Variants in SLCO1A2 observed in about 807,000 individuals in gnomAD.
The protein encoded by SLCO1A2 is OATP-1.
In SLCO1A2, 67 loss-of-function variants were observed where a neutral mutation model predicts 69.0. That is an observed-to-expected ratio of 0.97 (90% confidence interval 0.80 to 1.19). The LOEUF (loss-of-function observed/expected upper bound fraction) is 1.19. SLCO1A2 is among the 50% of genes most tolerant of loss of function. SLCO1A2 has a pLI of 0.00. For synonymous variants in SLCO1A2, 260 were observed against 265.9 expected, an observed-to-expected ratio of 0.98 and a Z score of 0.22; for missense variants, 787 against 793.7, an observed-to-expected ratio of 0.99 and a Z score of 0.10.
chr12:21,316,605 C>T (rs1298197526), intron 3 of SLCO1A2, among the ~76,000 whole-genome samples: 1 of 149,042 alleles, frequency 6.7e-6, no homozygotes, highest in Non-Finnish European at 1.5e-5. Context: ...ACCATTTTCT[C>T]CTAGTTCCCC....
At chr12:21,305,439 G>C (rs937844621) in intron 5 of SLCO1A2, among the ~76,000 whole-genome samples, 3 of 152,212 alleles carry the variant, frequency 2.0e-5, no homozygotes, top group Non-Finnish European at 2.9e-5. Flanking sequence ...CTGGGTCCAG[G>C]AATTTCTTGT....
At chr12:21,274,763 A>G in intron 13 of SLCO1A2, 177 bp from the exon 14 acceptor site, 2 of 693,166 alleles carry the variant, frequency 2.9e-6, no homozygotes, top group Non-Finnish European at 4.5e-6. Flanking sequence ...CTAAATTATT[A>G]AAAGATAAGT....
At chr12:21,340,469 AAAGAG>A (rs1265098249) in intron 2 of SLCO1A2, among the ~76,000 whole-genome samples, 1 of 152,054 alleles carries the variant, frequency 6.6e-6, no homozygotes, top group Admixed American at 6.6e-5. Context: ...GGAAGAAGAA[AAAGAG>A]AAAAGGAAAA....
chr12:21,307,052 G>A, intron 4 of SLCO1A2, 64 bp from the exon 5 acceptor site: 1 of 1,130,616 alleles, frequency 8.8e-7, no homozygotes, highest in Non-Finnish European at 1.3e-6. Context: ...TGGGCAATGT[G>A]CAGATTGTTA....
rs1276347558 is a variant in SLCO1A2, at chr12:21,348,471, C to T, written c.-62-13762G>A. Among the ~76,000 whole-genome samples, 4 of 152,162 alleles carry T rather than the reference C, an allele frequency of 2.6e-5. No homozygotes were observed. In the South Asian group the frequency reaches 8.3e-4, roughly 32 times the overall value. On this transcript the variant is annotated intron_variant, in intron 2 of 15. Transcript: ENST00000307378. ...AGTTCTACTGTTTCGATTTTTAGAT[C>T]CCACAAATAAGTGGAAGAATATGTG...
At chr12:21,394,241 A>G (rs1320933582) in intron 1 of SLCO1A2, among the ~76,000 whole-genome samples, 1 of 152,170 alleles carries the variant, frequency 6.6e-6, no homozygotes, top group Non-Finnish European at 1.5e-5. Flanking sequence ...TGGCTCAGCA[A>G]CAATATGAAA....
upstream of SLCO1A2, among the ~76,000 whole-genome samples, chr12:21,400,064 G>A (rs1260015660): frequency 2.0e-5 from 3 of 151,376 alleles, no homozygotes; most frequent in African/African-American, 7.3e-5. Flanking sequence ...CACAGCGAAA[G>A]AAACTACCAT....
At position 21,334,722 on chromosome 12, in the gene SLCO1A2, C is replaced by CA. The variant is rs1952819734; in HGVS notation, c.-62-14dup. 5 of 1,182,368 alleles carry CA rather than the reference C, an allele frequency of 4.2e-6. No homozygotes were observed. The highest frequency in any genetic ancestry group is 4.8e-6 in the Non-Finnish European group (4 of 833,936). 73.2% of individuals were successfully genotyped at this position (1,182,368 alleles called of 1,614,324 possible). A position where few individuals can be genotyped will look rare whatever the true frequency, so the allele number is the denominator to read the frequency against. ...TCTTACTTCTACCCTTTCAAGCAAA[C>CA]AAAAAAATATGTTAAATTAACTACA... On this transcript the variant is annotated splice_polypyrimidine_tract_variant and intron_variant, in intron 1 of 14. Transcript: ENST00000683939.
chr12:21,390,428 T>C (rs1341684987), intron 1 of SLCO1A2, among the ~76,000 whole-genome samples: 2 of 152,140 alleles, frequency 1.3e-5, no homozygotes, highest in African/African-American at 4.8e-5. Context: ...CAAATATATT[T>C]ATAGTTAAAA....
At chr12:21,347,577 G>A (rs1034994453) in intron 2 of SLCO1A2, among the ~76,000 whole-genome samples, 5 of 151,802 alleles carry the variant, frequency 3.3e-5, no homozygotes, top group African/African-American at 1.2e-4. Flanking sequence ...CCCAGGAGGC[G>A]GAGGTTGCAG....
intron 12 of SLCO1A2, among the ~76,000 whole-genome samples, chr12:21,291,760 C>T (rs1333961916): frequency 1.3e-5 from 2 of 152,054 alleles, no homozygotes; most frequent in Non-Finnish European, 2.9e-5. Flanking sequence ...GTGACCTTAG[C>T]GAGATGGGGG....
At chr12:21,354,865 A>G (rs1938238040) in intron 2 of SLCO1A2, 1 of 152,070 alleles carries the variant, frequency 6.6e-6, no homozygotes, top group African/African-American at 2.4e-5. Context: ...ACTTCTCAGT[A>G]TGACTCATGA....
intron 8 of SLCO1A2, among the ~76,000 whole-genome samples, chr12:21,299,597 C>A (rs946986540): frequency 3.3e-5 from 5 of 150,254 alleles, no homozygotes; most frequent in African/African-American, 1.2e-4. Flanking sequence ...TTCCAGGAAG[C>A]TCTTCGTTAA....
intron 2 of SLCO1A2, among the ~76,000 whole-genome samples, chr12:21,360,123 A>T (rs1338982412): frequency 3.9e-5 from 6 of 152,174 alleles, no homozygotes; most frequent in Non-Finnish European, 4.4e-5. Context: ...AGCAGCAGTT[A>T]CCTGAGGAGT....
chr12:21,347,883 T>C (rs180994074), intron 2 of SLCO1A2, among the ~76,000 whole-genome samples: 1 of 152,306 alleles, frequency 6.6e-6, no homozygotes, highest in East Asian at 1.9e-4. Context: ...TATTTTAAAA[T>C]AATAAACTTC....
At chr12:21,374,702 G>T (rs184271853) in intron 1 of SLCO1A2, among the ~76,000 whole-genome samples, 4 of 152,078 alleles carry the variant, frequency 2.6e-5, no homozygotes, top group Non-Finnish European at 5.9e-5. Context: ...ATGATGACAG[G>T]AAAATCAGTA....
intron 6 of SLCO1A2, among the ~76,000 whole-genome samples, chr12:21,302,991 CAATTTT>C: frequency 6.6e-6 from 1 of 152,262 alleles, no homozygotes; most frequent in East Asian, 1.9e-4. Flanking sequence ...CACACCTGGT[CAATTTT>C]CCAACTTTTA....
At chr12:21,391,007 C>T (rs1262866595) in intron 1 of SLCO1A2, among the ~76,000 whole-genome samples, 1 of 152,112 alleles carries the variant, frequency 6.6e-6, no homozygotes, top group Non-Finnish European at 1.5e-5. Context: ...AAAGGTGGGA[C>T]ATGTCTTTGA....
chr12:21,379,860 T>C (rs1233019793), intron 1 of SLCO1A2: 1 of 152,170 alleles, frequency 6.6e-6, no homozygotes, highest in Non-Finnish European at 1.5e-5. Flanking sequence ...TTGTAGAGGC[T>C]TTCGTTGGTG....
Sources: allele counts gnomAD v4.1 joint callset (sites outside exome capture counted in the v4.1 genomes callset), GRCh38; gene constraint gnomAD v4.1.1; transcripts MANE v1.5; gene names NCBI Gene and HGNC (gene_info 2026-07-23, HGNC 2026-07-21).